Variants in SDK1 observed in about 807,000 individuals in gnomAD.
SDK1 encodes the protein protein sidekick-1.
Under a neutral mutation model 245.5 loss-of-function variants are expected in SDK1, and 157 were observed. The ratio of observed to expected loss-of-function variants is 0.64; its 90% CI spans 0.56 to 0.73. SDK1 has a LOEUF of 0.73. Among genes scored for constraint, SDK1 ranks in the 30% least tolerant of loss-of-function variants. SDK1 has a pLI of 0.00. For synonymous variants in SDK1, 1,647 were observed against 1,278.5 expected (o/e 1.29, Z -6.15); for missense variants, 3,583 against 3,002.3 (o/e 1.19, Z -4.52).
At chr7:3,918,695 T>C (rs1779475782) in intron 5 of SDK1, among the ~76,000 whole-genome samples, 1 of 152,106 alleles carries the variant, frequency 6.6e-6, no homozygotes, top group African/African-American at 2.4e-5. Context: ...GTGAAACCAG[T>C]CCCTGTGCCA....
chr7:4,209,595 G>C (rs1584451790), intron 37 of SDK1, among the ~76,000 whole-genome samples: 1 of 152,162 alleles, frequency 6.6e-6, no homozygotes, highest in South Asian at 2.1e-4. Flanking sequence ...AAACCCCCAG[G>C]CCTCTGAGGG....
At chr7:4,056,724 G>A (rs960045318) in intron 19 of SDK1, among the ~76,000 whole-genome samples, 2 of 152,112 alleles carry the variant, frequency 1.3e-5, no homozygotes, top group East Asian at 1.9e-4. Flanking sequence ...GGGAGCCCAC[G>A]CTGCACCCCA....
At chr7:3,764,376 C>T (rs1317072247) in intron 4 of SDK1, among the ~76,000 whole-genome samples, 1 of 152,114 alleles carries the variant, frequency 6.6e-6, no homozygotes, top group Non-Finnish European at 1.5e-5. Flanking sequence ...TCCTGCGATG[C>T]AATTCATAGA....
At position 3,420,690 on chromosome 7, in the gene SDK1, A is replaced by C. The variant is rs1042087707; in HGVS notation, c.298+118806A>C. On this transcript the variant is annotated intron_variant, in intron 1 of 44. Transcript: ENST00000404826. ...GAGAAAGTAAACGTTATCTCATTAT[A>C]TTCTTTTTTAACATAATGAGAATCT... is the stretch of plus-strand genomic sequence containing the variant. 1.3e-5 allele frequency among the ~76,000 whole-genome samples: 2 copies of C among 152,224 alleles called. 1 individual carries two copies. The highest frequency in any genetic ancestry group is 4.1e-4 in the South Asian group (2 of 4,828).
At chr7:3,360,069 A>G (rs1227943326) in intron 1 of SDK1, among the ~76,000 whole-genome samples, 1 of 152,242 alleles carries the variant, frequency 6.6e-6, no homozygotes, top group Admixed American at 6.5e-5. Flanking sequence ...TGTGAGGGAC[A>G]GGAGAAGAGA....
In SDK1 at chr7:4,129,883, C is replaced by G. The variant is rs970033758; in HGVS notation, c.3940-25C>G. 1.9e-6 allele frequency: 3 copies of G among 1,612,444 alleles called. No individual in the cohort carries two copies. In the Middle Eastern group the frequency reaches 5.0e-4, roughly 267 times the overall value. ...CCTCCTGGCACCCGCCTCCTGATAA[C>G]CCTCGTGCTGTGTCGATACCACAGA... is the stretch of plus-strand genomic sequence containing the variant. On this transcript the variant is annotated intron_variant, in intron 26 of 44. Coordinates refer to ENST00000404826, the MANE Select transcript of SDK1 (RefSeq NM_152744.4).
chr7:3,535,352 A>G (rs1778851027), intron 1 of SDK1, among the ~76,000 whole-genome samples: 1 of 152,216 alleles, frequency 6.6e-6, no homozygotes, highest in African/African-American at 2.4e-5. Context: ...AAAGTAAAAC[A>G]TATACTATTC....
At chr7:3,391,663 G>T (rs1224810294) in intron 1 of SDK1, among the ~76,000 whole-genome samples, 1 of 147,170 alleles carries the variant, frequency 6.8e-6, no homozygotes, top group Non-Finnish European at 1.5e-5. Context: ...TTGAGACAGG[G>T]TCTTGCTCTG....
In SDK1 at chr7:3,642,033, C is replaced by G. The variant is rs781148652; in HGVS notation, c.641C>G (p.Pro214Arg). The change falls in exon 4 of 45, where the codon CCC becomes CGC. Residue 214 changes from proline (P) to arginine (R), a missense_variant. By Grantham distance (103) the Pro-to-Arg change is moderately radical. Transcript: ENST00000404826. ...QGRAAILNLLPITSYPRPQVT... is the reference protein window; with the variant it reads ...QGRAAILNLLRITSYPRPQVT... ...CGTGCAGCGATTCTAAACCTGCTGC[C>G]CATCACCAGCTACCCCAGACCTCAA... 2 of 1,613,366 alleles carry G rather than the reference C, an allele frequency of 1.2e-6. No individual in the cohort carries two copies. Among genetic ancestry groups the G allele is most frequent in the African/African-American group, 1.3e-5 (1 of 74,910 alleles).
intron 1 of SDK1, among the ~76,000 whole-genome samples, chr7:3,617,506 TCTCA>T (rs1238731962): frequency 2.6e-5 from 4 of 152,184 alleles, no homozygotes; most frequent in African/African-American, 9.7e-5. Flanking sequence ...ACAGTAGGTG[TCTCA>T]CTCCGTTTTC....
At chr7:3,372,478 C>T (rs548730254) in intron 1 of SDK1, among the ~76,000 whole-genome samples, 29 of 152,306 alleles carry the variant, frequency 1.9e-4, no homozygotes, top group Non-Finnish European at 3.4e-4. Context: ...CTCTGTGCTT[C>T]AGAACACGCC....
chr7:3,982,701 T>G (rs1205278393), intron 13 of SDK1, among the ~76,000 whole-genome samples: 2 of 151,912 alleles, frequency 1.3e-5, no homozygotes, highest in East Asian at 3.9e-4. Context: ...TTAGCCGGGC[T>G]TGGTGGCGGG....
intron 25 of SDK1, among the ~76,000 whole-genome samples, chr7:4,116,450 G>A (rs192301666): frequency 1.3e-5 from 2 of 152,302 alleles, no homozygotes; most frequent in South Asian, 2.1e-4. Context: ...GTGCCACAGC[G>A]TGGAAGGGCC....
intron 1 of SDK1, among the ~76,000 whole-genome samples, chr7:3,335,947 T>C: frequency 6.6e-6 from 1 of 152,062 alleles, no homozygotes; most frequent in Non-Finnish European, 1.5e-5. Context: ...CTGTGGCCAC[T>C]CTAGAGTCCT....
intron 1 of SDK1, among the ~76,000 whole-genome samples, chr7:3,573,166 G>C (rs897392727): frequency 6.6e-6 from 1 of 152,100 alleles, no homozygotes; most frequent in Non-Finnish European, 1.5e-5. Flanking sequence ...GTGCTTATCT[G>C]ATGAAATACT....
intron 1 of SDK1, among the ~76,000 whole-genome samples, chr7:3,391,297 C>G (rs1260345505): frequency 6.6e-6 from 1 of 152,118 alleles, no homozygotes; most frequent in Non-Finnish European, 1.5e-5. Flanking sequence ...TTCTGTCATT[C>G]TTTACCTCCA....
Position 4,077,046 on chromosome 7 carries a change from C to T in SDK1, c.3059C>T (p.Thr1020Met), listed in dbSNP as rs61586368. Residue 1020 changes from threonine to methionine, a missense_variant, in exon 21 of 45, where the codon ACG (threonine) becomes ATG (methionine). Thr to Met is a moderately conservative substitution (Grantham distance 81). Transcript: ENST00000404826. The part of the protein sequence containing the change: ...EVYGRNDSRL[T>M]HTLNSTTHEY... ...TACGGCAGGAACGACTCTCGTCTCA[C>T]GCACACCCTGAACAGCACGACGCAC... The T allele has an allele frequency of 3.5e-5, 57 of 1,614,192 alleles. No individual in the cohort carries two copies. The East Asian group carries it at 7.8e-4, about 22-fold the overall frequency.
chr7:3,777,249 C>T (rs949821788), intron 4 of SDK1, among the ~76,000 whole-genome samples: 1 of 152,178 alleles, frequency 6.6e-6, no homozygotes, highest in African/African-American at 2.4e-5. Context: ...CTTCAAGTGA[C>T]TTTCGTTCCA....
At chr7:3,695,286 A>T (rs1039259765) in intron 4 of SDK1, among the ~76,000 whole-genome samples, 3 of 152,218 alleles carry the variant, frequency 2.0e-5, no homozygotes, top group African/African-American at 7.2e-5. Context: ...TTCTGTCATT[A>T]TAATAGGATT....
Sources: allele counts gnomAD v4.1 joint callset (sites outside exome capture counted in the v4.1 genomes callset), GRCh38; gene constraint gnomAD v4.1.1; transcripts MANE v1.5; gene names NCBI Gene and HGNC (gene_info 2026-07-23, HGNC 2026-07-21).